Variants in MAGI1 observed in about 807,000 individuals in gnomAD.
MAGI1 encodes membrane associated guanylate kinase, WW and PDZ domain containing 1.
In MAGI1, 58 loss-of-function variants were observed where a neutral mutation model predicts 139.9. That is an observed-to-expected ratio of 0.41 (90% CI 0.34 to 0.52). The LOEUF (loss-of-function observed/expected upper bound fraction) is 0.52, where lower values mean the gene tolerates loss of function less well. Ranked by LOEUF, MAGI1 falls within the 20% of genes least tolerant of loss-of-function variation. The pLI is 0.12. For synonymous variants in MAGI1, 812 were observed against 737.9 expected (o/e 1.10, Z -1.63); for missense variants, 1,874 against 1,901.6 (o/e 0.99, Z 0.27).
At chr3:65,442,683 T>C in intron 8 of MAGI1, 109 bp downstream of exon 8, 1 of 674,618 alleles carries the variant, frequency 1.5e-6, no homozygotes, top group South Asian at 2.4e-5. Context: ...ATAAAATTAA[T>C]ATTGTTAATT....
intron 18 of MAGI1, among the ~76,000 whole-genome samples, chr3:65,372,986 C>T (rs950511774): frequency 3.3e-5 from 5 of 152,186 alleles, no homozygotes; most frequent in Non-Finnish European, 4.4e-5. Context: ...AAGGCTGTTT[C>T]GCTTTCTTAA....
At chr3:65,499,067 A>G in intron 2 of MAGI1, 2 of 981,756 alleles carry the variant, frequency 2.0e-6, no homozygotes, top group South Asian at 4.7e-5. Context: ...TCTTAAAAAA[A>G]AAAAAACAAA....
At chr3:65,607,811 G>C (rs2082827166) in intron 2 of MAGI1, among the ~76,000 whole-genome samples, 1 of 152,072 alleles carries the variant, frequency 6.6e-6, no homozygotes, top group Non-Finnish European at 1.5e-5. Flanking sequence ...AGGTGTTTCG[G>C]CTTACTGCGT....
intron 1 of MAGI1, among the ~76,000 whole-genome samples, chr3:65,656,681 T>C (rs1576620354): frequency 6.6e-6 from 1 of 151,832 alleles, no homozygotes; most frequent in African/African-American, 2.4e-5. Context: ...ACATCAAACA[T>C]AGAATATATC....
At chr3:65,605,802 T>C (rs2082711599) in intron 2 of MAGI1, among the ~76,000 whole-genome samples, 2 of 152,154 alleles carry the variant, frequency 1.3e-5, no homozygotes, top group South Asian at 4.1e-4. Flanking sequence ...CATATCTCAA[T>C]TGCAACTGCT....
intron 2 of MAGI1, among the ~76,000 whole-genome samples, chr3:65,494,466 A>T (rs1301675537): frequency 1.3e-5 from 2 of 152,332 alleles, no homozygotes; most frequent in South Asian, 2.1e-4. Context: ...TTTACACATA[A>T]GTCAAGAAAG....
intron 5 of MAGI1, among the ~76,000 whole-genome samples, chr3:65,468,537 G>C (rs1325000090): frequency 6.6e-6 from 1 of 151,630 alleles, no homozygotes; most frequent in Non-Finnish European, 1.5e-5. Context: ...CACCATACCT[G>C]GCTAATTTTT....
At chr3:65,797,415 A>C (rs1407953865) in intron 1 of MAGI1, among the ~76,000 whole-genome samples, 2 of 152,184 alleles carry the variant, frequency 1.3e-5, no homozygotes, top group Non-Finnish European at 2.9e-5. Context: ...AATAGATTTA[A>C]AATGAGAAGA....
chr3:65,501,453 CAAAAAAA>C (rs35967662), intron 2 of MAGI1, among the ~76,000 whole-genome samples: 4 of 80,648 alleles, frequency 5.0e-5, no homozygotes, highest in South Asian at 5.6e-4. Context: ...GACTCTGTCT[CAAAAAAA>C]AAAAAAAAAA....
chr3:65,512,339 A>G (rs1244794297), intron 2 of MAGI1, among the ~76,000 whole-genome samples: 1 of 143,950 alleles, frequency 6.9e-6, no homozygotes, highest in African/African-American at 2.6e-5. Context: ...GACACAAAAA[A>G]CCCTTCAAAA....
intron 12 of MAGI1, among the ~76,000 whole-genome samples, chr3:65,423,024 C>A (rs1051455167): frequency 6.6e-6 from 1 of 152,150 alleles, no homozygotes; most frequent in South Asian, 2.1e-4. Context: ...GGCCAGGTGC[C>A]CTACAATGGG....
At chr3:65,498,400 A>T (rs2076955170) in intron 2 of MAGI1, among the ~76,000 whole-genome samples, 2 of 152,132 alleles carry the variant, frequency 1.3e-5, no homozygotes, top group Non-Finnish European at 2.9e-5. Context: ...TATTAGCTTT[A>T]AGCTAATAAT....
At chr3:65,664,359 G>A (rs1315242971) in intron 1 of MAGI1, among the ~76,000 whole-genome samples, 4 of 152,072 alleles carry the variant, frequency 2.6e-5, no homozygotes, top group African/African-American at 2.4e-5. Flanking sequence ...GGCTAATAGC[G>A]CTTATTCAGA....
chr3:65,624,299 A>C (rs1421266583), intron 1 of MAGI1, among the ~76,000 whole-genome samples: 1 of 146,162 alleles, frequency 6.8e-6, no homozygotes, highest in Non-Finnish European at 1.5e-5. Context: ...ACAAGTCCAC[A>C]AAAAAAAAAA....
In MAGI1 at chr3:65,356,394, G is replaced by C. The variant is rs763322801; in HGVS notation, c.4373C>G (p.Thr1458Ser). Residue 1458 changes from threonine to serine, a missense_variant, in exon 23 of 23, where the codon ACC (threonine) becomes AGC (serine). Around this residue, in one of 5 missense-constraint regions of MAGI1, gnomAD observed 653 missense variants for 644.5 expected, o/e 1.01. Transcript: ENST00000402939. ...QRRRPYKECS[T>S]DLSI ...CTCAGCGTCTCAGATACTGAGGTCG[G>C]TGCTACATTCTTTGTAAGGTCGCCT... is the stretch of plus-strand genomic sequence containing the variant. The C allele has an allele frequency of 6.3e-7, 1 of 1,597,414 alleles. No homozygotes were observed. Among genetic ancestry groups the C allele is most frequent in the East Asian group, 2.2e-5 (1 of 44,802 alleles).
At chr3:65,381,787 T>C (rs931815999) in intron 16 of MAGI1, 90 bp downstream of exon 16, 51 of 1,230,302 alleles carry the variant, frequency 4.1e-5, no homozygotes, top group Non-Finnish European at 5.3e-5. Context: ...TTTGCTAAAA[T>C]AGACGCTCAA....
At chr3:65,942,242 C>T (rs2063349472) in intron 1 of MAGI1, among the ~76,000 whole-genome samples, 1 of 151,122 alleles carries the variant, frequency 6.6e-6, no homozygotes. Context: ...ACATACAAAA[C>T]CACCAAAAGG....
At chr3:65,463,602 G>GTGTGTC (rs1949968543) in intron 5 of MAGI1, among the ~76,000 whole-genome samples, 1 of 144,142 alleles carries the variant, frequency 6.9e-6, no homozygotes, top group South Asian at 2.2e-4. Flanking sequence ...GTGTGTGTGT[G>GTGTGTC]TCTGCCAGGT....
chr3:65,508,464 T>C (rs572136608), intron 2 of MAGI1, among the ~76,000 whole-genome samples: 1 of 152,290 alleles, frequency 6.6e-6, no homozygotes, highest in East Asian at 1.9e-4. Context: ...TAAGTTACTT[T>C]GAATTATTAT....
Sources: allele counts gnomAD v4.1 joint callset (sites outside exome capture counted in the v4.1 genomes callset), GRCh38; gene constraint gnomAD v4.1.1; regional missense constraint gnomAD v4.1.1; transcripts MANE v1.5; gene names NCBI Gene and HGNC (gene_info 2026-07-23, HGNC 2026-07-21).